MROH7: variants seen among roughly 807,000 people sequenced by gnomAD.
MROH7 encodes maestro heat like repeat family member 7, also known as maestro heat-like repeat-containing protein family member 7.
In MROH7, 113 loss-of-function variants were observed where a neutral mutation model predicts 129.2. The ratio of observed to expected loss-of-function variants is 0.87; its 90% CI spans 0.75 to 1.02. The LOEUF is 1.02. Ranked by LOEUF, MROH7 falls within the 50% of genes least tolerant of loss-of-function variation. The pLI, the probability that MROH7 is intolerant of heterozygous loss-of-function variation, is 0.00. For synonymous variants in MROH7, 655 were observed against 667.9 expected (o/e 0.98, Z 0.30); for missense variants, 1,601 against 1,671.3 (o/e 0.96, Z 0.73).
intron 15 of MROH7, 111 bp downstream of exon 15, chr1:54,686,559 G>C: frequency 1.0e-6 from 1 of 971,382 alleles, no homozygotes; most frequent in East Asian, 2.6e-5. Context: ...TCAGCTTTGG[G>C]ACTAGAAGAG....
At chr1:54,700,911 T>G in intron 18 of MROH7, among the ~76,000 whole-genome samples, 1 of 152,014 alleles carries the variant, frequency 6.6e-6, no homozygotes, top group African/African-American at 2.4e-5. Context: ...AGGAAGGGGG[T>G]AGACAGCAAA....
At chr1:54,655,893 ATTTT>A (rs372850123) in intron 3 of MROH7, among the ~76,000 whole-genome samples, 7 of 133,674 alleles carry the variant, frequency 5.2e-5, no homozygotes, top group African/African-American at 5.6e-5. Context: ...ACTTTATAGT[ATTTT>A]TTTTTTTTTT....
intron 1 of MROH7, among the ~76,000 whole-genome samples, chr1:54,643,235 A>C (rs1644414903): frequency 6.6e-6 from 1 of 152,196 alleles, no homozygotes; most frequent in Non-Finnish European, 1.5e-5. Context: ...AGGGACATCT[A>C]ATCTAAGCTG....
intron 16 of MROH7, 90 bp downstream of exon 16, chr1:54,692,651 C>T (rs1206129381): frequency 3.0e-6 from 4 of 1,348,626 alleles, no homozygotes; most frequent in African/African-American, 1.4e-5. Context: ...GCATCTCTCC[C>T]TGGGCAAGAC....
intron 1 of MROH7, among the ~76,000 whole-genome samples, chr1:54,644,934 C>G (rs1437641218): frequency 6.6e-6 from 1 of 151,916 alleles, no homozygotes; most frequent in Non-Finnish European, 1.5e-5. Context: ...CTCAGCCTCC[C>G]TAGTAGCTGG....
intron 13 of MROH7, among the ~76,000 whole-genome samples, chr1:54,681,355 C>A (rs1645066581): frequency 6.6e-6 from 1 of 152,212 alleles, no homozygotes; most frequent in Non-Finnish European, 1.5e-5. Context: ...AGACCAGTAT[C>A]TTTTACATCT....
At chr1:54,661,509 G>A (rs116595403) in intron 3 of MROH7, among the ~76,000 whole-genome samples, 1 of 152,218 alleles carries the variant, frequency 6.6e-6, no homozygotes, top group African/African-American at 2.4e-5. Context: ...ACCACGTCAG[G>A]CCCTGTTCAC....
chr1:54,666,021 A>G (rs1398983705), intron 4 of MROH7, among the ~76,000 whole-genome samples: 3 of 152,170 alleles, frequency 2.0e-5, no homozygotes, highest in African/African-American at 7.2e-5. Context: ...TCTGTTTCTC[A>G]CACACGCCAA....
chr1:54,660,237 A>G, intron 3 of MROH7, among the ~76,000 whole-genome samples: 1 of 152,192 alleles, frequency 6.6e-6, no homozygotes, highest in Non-Finnish European at 1.5e-5. Context: ...CTGTATCCCT[A>G]CATGGTGGTA....
chr1:54,693,920 C>T (rs570493954), intron 16 of MROH7, among the ~76,000 whole-genome samples: 105 of 152,318 alleles, frequency 6.9e-4, no homozygotes, highest in Admixed American at 2.3e-3. Context: ...CTTGCTCTAT[C>T]GCCCACGCTG....
chr1:54,686,466 T>C lies in MROH7; in HGVS notation c.2711+18T>C. 2 of 1,607,992 alleles carry C rather than the reference T, an allele frequency of 1.2e-6. No individual in the cohort carries two copies. The highest frequency in any genetic ancestry group is 1.7e-6 in the Non-Finnish European group (2 of 1,176,480). On this transcript the variant is annotated intron_variant, in intron 15 of 23. Coordinates refer to ENST00000421030, the MANE Select transcript of MROH7 (RefSeq NM_001039464.4). ...CCTGTGCGGTATGCTCTGCCCTCTC[T>C]CTTGACCCTGCTGTCCCCGGTGGTG...
rs764518252 is a variant in MROH7, at chr1:54,653,965, G to A, written c.1039G>A (p.Asp347Asn). 13 of 1,614,166 alleles carry A rather than the reference G, an allele frequency of 8.1e-6. No homozygotes were observed. Among genetic ancestry groups the A allele is most frequent in the South Asian group, 3.3e-5 (3 of 91,080 alleles). Residue 347 changes from aspartate (D) to asparagine (N), a missense_variant, in exon 3 of 24, where the codon GAC becomes AAC. By Grantham distance (23) the Asp-to-Asn change is conservative. Transcript: ENST00000421030. ...CCTGGACTCCAGCCTCCTGTTCAGC[G>A]ACACCTCCACCTTGACGCTGAGCAG... ...LSLDSSLLFS[D>N]TSTLTLSSQQ...
In MROH7 at chr1:54,710,108, A is replaced by G; in HGVS notation, c.3893A>G (p.Glu1298Gly). Residue 1298 changes from glutamate to glycine, a missense_variant, in exon 24 of 24, where the codon GAG becomes GGG. By Grantham distance (98) the Glu-to-Gly change is moderately conservative. Transcript: ENST00000421030. The stretch of plus-strand genomic sequence containing the variant: ...ACCCACCGCTGGAGCCCCAGCTGTG[A>G]GAACCTGCCCACTTCCCACCAGCGG... ...ATTHRWSPSCENLPTSHQRRS... is the reference protein window; with the variant it reads ...ATTHRWSPSCGNLPTSHQRRS... 6.2e-7 allele frequency: 1 copy of G among 1,614,034 alleles called. No homozygotes were observed. Among genetic ancestry groups the G allele is most frequent in the Non-Finnish European group, 8.5e-7 (1 of 1,180,002 alleles).
chr1:54,646,205 G>A, intron 1 of MROH7, among the ~76,000 whole-genome samples: 1 of 152,214 alleles, frequency 6.6e-6, no homozygotes, highest in Non-Finnish European at 1.5e-5. Flanking sequence ...GCTGGGTGGA[G>A]GGCCCAGAGA....
chr1:54,645,543 A>T (rs937306622), intron 1 of MROH7, among the ~76,000 whole-genome samples: 1 of 151,916 alleles, frequency 6.6e-6, no homozygotes, highest in African/African-American at 2.4e-5. Flanking sequence ...GGCTTCCCAA[A>T]GTGCTGGGAT....
At chr1:54,698,059 C>A (rs182212758) in intron 17 of MROH7, 2 of 215,356 alleles carry the variant, frequency 9.3e-6, no homozygotes, top group East Asian at 2.0e-4. Context: ...AAAGCCGTGG[C>A]ACTTTGATGC....
intron 9 of MROH7, 72 bp downstream of exon 9, chr1:54,673,877 G>A: frequency 6.5e-7 from 1 of 1,528,340 alleles, no homozygotes. Context: ...CCGTACCTCT[G>A]TTCAGGGATT....
At chr1:54,696,326 G>A (rs528273027) in intron 17 of MROH7, among the ~76,000 whole-genome samples, 54 of 152,118 alleles carry the variant, frequency 3.5e-4, no homozygotes, top group Non-Finnish European at 6.3e-4. Context: ...TAAAATATAC[G>A]TAACATAAAA....
At chr1:54,686,200 C>T in intron 14 of MROH7, 58 bp from the exon 15 acceptor site, 3 of 1,497,168 alleles carry the variant, frequency 2.0e-6, no homozygotes, top group Non-Finnish European at 2.7e-6. Context: ...CAGGCCCCAG[C>T]CAGGAGTGCT....
Sources: gnomAD v4.1 joint callset for allele counts (sites outside exome capture counted in the v4.1 genomes callset) on GRCh38, gnomAD v4.1.1 for gene constraint, MANE v1.5 for transcripts, NCBI Gene and HGNC (gene_info 2026-07-23, HGNC 2026-07-21) for gene names.